Variants in CHRDL1 observed in about 807,000 individuals in gnomAD.
The protein encoded by CHRDL1 is chordin like 1.
CHRDL1 carries 19 observed loss-of-function variants against 40.9 expected under a neutral mutation model. The ratio of observed to expected loss-of-function variants is 0.46; its 90% CI spans 0.32 to 0.68. The LOEUF (loss-of-function observed/expected upper bound fraction) is 0.68. Among genes scored for constraint, CHRDL1 ranks in the 30% least tolerant of loss-of-function variants. The pLI is 0.03. For missense variants in CHRDL1, 329 were observed against 352.1 expected (o/e 0.93, Z 0.53); for synonymous variants, 136 against 123.4 (o/e 1.10, Z -0.68).
intron 9 of CHRDL1, among the ~76,000 whole-genome samples, chrX:110,682,700 C>CTAG (rs2069927099): frequency 8.9e-6 from 1 of 112,220 alleles, no homozygotes; most frequent in African/African-American, 3.2e-5. Flanking sequence ...AAGTTGTAAT[C>CTAG]AAATTGCTAT....
rs773695127 is a variant in CHRDL1, at chrX:110,794,770, C to G, written c.-35+974G>C. Among the ~76,000 whole-genome samples, 5 of 112,369 alleles carry G rather than the reference C, an allele frequency of 4.4e-5. No individual in the cohort carries two copies. The East Asian group carries it at 1.1e-3, about 25-fold the overall frequency. On this transcript the variant is annotated intron_variant, in intron 1 of 11. Coordinates refer to ENST00000372042, the MANE Select transcript of CHRDL1 (RefSeq NM_001143981.2). ...TGAACACATGTCAGCCAGTTCTTCACGCCCCACAGTGTCTCTTTAATCCTC... is the reference window on the plus strand; with the variant it reads ...TGAACACATGTCAGCCAGTTCTTCAGGCCCCACAGTGTCTCTTTAATCCTC...
At chrX:110,757,249 A>C (rs781583353) in intron 4 of CHRDL1, among the ~76,000 whole-genome samples, 1 of 111,328 alleles carries the variant, frequency 9.0e-6, no homozygotes, top group Non-Finnish European at 1.9e-5. Context: ...AAAAAAACTG[A>C]CTAAAAATTG....
Position 110,785,865 on chromosome X carries a change from A to G in CHRDL1, c.94+6223T>C, listed in dbSNP as rs753643446. ...CAATCCAGTCTAGTAGACATATTAA[A>G]CATCTATTTAACATTTCCATGTTCT... is the stretch of plus-strand genomic sequence containing the variant. On this transcript the variant is annotated intron_variant, in intron 2 of 11. Transcript: ENST00000372042. 5.3e-5 allele frequency among the ~76,000 whole-genome samples: 6 copies of G among 112,352 alleles called. No homozygotes were observed. In the East Asian group the frequency reaches 1.7e-3, roughly 31 times the overall value.
chrX:110,693,217 C>G (rs1189979696), intron 8 of CHRDL1, among the ~76,000 whole-genome samples: 1 of 111,338 alleles, frequency 9.0e-6, no homozygotes, highest in Non-Finnish European at 1.9e-5. Flanking sequence ...ACATTGGAAG[C>G]TATGGAAGTC....
At chrX:110,736,018 T>C (rs755454862) in intron 4 of CHRDL1, among the ~76,000 whole-genome samples, 1 of 112,331 alleles carries the variant, frequency 8.9e-6, no homozygotes, top group African/African-American at 3.2e-5. Context: ...TGTTAGCAGC[T>C]GGCTTCAGAA....
At chrX:110,789,361 T>C (rs1022251784) in intron 2 of CHRDL1, among the ~76,000 whole-genome samples, 1 of 112,002 alleles carries the variant, frequency 8.9e-6, no homozygotes, top group Non-Finnish European at 1.9e-5. Context: ...ATACAACTTA[T>C]ATGAAGGGCA....
intron 4 of CHRDL1, among the ~76,000 whole-genome samples, chrX:110,727,035 T>C (rs1189040984): frequency 8.9e-6 from 1 of 111,932 alleles, no homozygotes; most frequent in African/African-American, 3.2e-5. Flanking sequence ...CCTGCTTTCA[T>C]TGGAGGGGAA....
intron 6 of CHRDL1, among the ~76,000 whole-genome samples, chrX:110,715,426 T>C (rs886595983): frequency 1.8e-5 from 2 of 111,557 alleles, no homozygotes; most frequent in African/African-American, 3.3e-5. Context: ...TATAAACCAA[T>C]AACTCTGTAT....
At chrX:110,682,783 G>C in intron 9 of CHRDL1, among the ~76,000 whole-genome samples, 1 of 112,070 alleles carries the variant, frequency 8.9e-6, no homozygotes, top group Non-Finnish European at 1.9e-5. Context: ...CAAAACCATA[G>C]TCTTCTCTTG....
Position 110,697,648 on chromosome X carries a change from C to T in CHRDL1, c.609+3006G>A, listed in dbSNP as rs756273888. Among the ~76,000 whole-genome samples, 64 of 109,713 alleles carry T rather than the reference C, an allele frequency of 5.8e-4. 2 individuals carry two copies. The highest frequency in any genetic ancestry group is 2.3e-3 in the East Asian group (8 of 3,475). ...ACATGGATTTTTATCTGTTTCATGTCGTTTCTATCCCAAACGCTTTCACTT... is the reference window on the plus strand; with the variant it reads ...ACATGGATTTTTATCTGTTTCATGTTGTTTCTATCCCAAACGCTTTCACTT... On this transcript the variant is annotated intron_variant, in intron 7 of 11. Transcript: ENST00000372042.
At position 110,704,439 on chromosome X, in the gene CHRDL1, T is replaced by C. The variant is rs138924849; in HGVS notation, c.542-3718A>G. On this transcript the variant is annotated intron_variant, in intron 6 of 11. Coordinates refer to ENST00000372042, the MANE Select transcript of CHRDL1 (RefSeq NM_001143981.2). ...GGAAGCCTATTCTGGCAATGGGGTA[T>C]AGACTAGTTGGGGAGTAACTCGAAT... is the stretch of plus-strand genomic sequence containing the variant. 6.6e-3 allele frequency among the ~76,000 whole-genome samples: 736 copies of C among 111,624 alleles called. 6 individuals are homozygous for C. Among genetic ancestry groups the C allele is most frequent in the Non-Finnish European group, 9.6e-3 (510 of 53,088 alleles).
intron 2 of CHRDL1, among the ~76,000 whole-genome samples, chrX:110,776,568 CTTGCAG>C (rs915672549): frequency 7.2e-5 from 8 of 111,130 alleles, no homozygotes; most frequent in Non-Finnish European, 1.1e-4. Context: ...TCTTTCTTTG[CTTGCAG>C]TTGCTGAAGA....
chrX:110,787,051 T>A (rs138678937), intron 2 of CHRDL1, among the ~76,000 whole-genome samples: 30 of 111,706 alleles, frequency 2.7e-4, no homozygotes, highest in African/African-American at 9.4e-4. Context: ...TTGCTGCTTG[T>A]CCTTGTACAA....
At position 110,721,476 on chromosome X, in the gene CHRDL1, T is replaced by C. The variant is rs1461567133; in HGVS notation, c.356A>G (p.Asn119Ser). ...CTCTCCATGTTGGTAAGTTGTCCCA[T>C]TGTACTCGCAAGACTTGCTGGTCAC... ...NKVTSKSCEY[N>S]GTTYQHGELF... Residue 119 changes from asparagine to serine, a missense_variant, in exon 5 of 12, where the codon AAT becomes AGT. Asn to Ser is a conservative substitution (Grantham distance 46). Transcript: ENST00000372042. 2.5e-6 allele frequency: 3 copies of C among 1,207,270 alleles called. No individual in the cohort carries two copies. Among genetic ancestry groups the C allele is most frequent in the Admixed American group, 2.2e-5 (1 of 46,064 alleles).
At chrX:110,739,272 C>T (rs919000370) in intron 4 of CHRDL1, among the ~76,000 whole-genome samples, 7 of 111,691 alleles carry the variant, frequency 6.3e-5, no homozygotes, top group East Asian at 2.8e-4. Flanking sequence ...AAGTATGCAG[C>T]GGAATACACA....
chrX:110,726,021 C>T (rs1028354432), intron 4 of CHRDL1, among the ~76,000 whole-genome samples: 1 of 111,445 alleles, frequency 9.0e-6, no homozygotes, highest in African/African-American at 3.3e-5. Context: ...AAAACTACAT[C>T]ATCTAAAGGG....
Position 110,704,359 on chromosome X carries a change from T to G in CHRDL1, c.542-3638A>C, listed in dbSNP as rs1291942460. On this transcript the variant is annotated intron_variant, in intron 6 of 11. Coordinates refer to ENST00000372042, the MANE Select transcript of CHRDL1 (RefSeq NM_001143981.2). ...TTGTAAAAGGCTGAAGAATTCACAT[T>G]TGATTATGTTGCCAATTTTTCTGTA... Among the ~76,000 whole-genome samples, 7 of 111,785 alleles carry G rather than the reference T, an allele frequency of 6.3e-5. No homozygotes were observed. In the Admixed American group the frequency reaches 6.7e-4, roughly 11 times the overall value.
intron 8 of CHRDL1, among the ~76,000 whole-genome samples, chrX:110,691,859 G>C (rs1437324152): frequency 1.8e-5 from 2 of 110,762 alleles, no homozygotes; most frequent in Non-Finnish European, 3.8e-5. Context: ...CAACTGTGAG[G>C]TCAGGGCTGT....
chrX:110,765,316 C>T (rs1363771593), intron 2 of CHRDL1, among the ~76,000 whole-genome samples: 1 of 111,942 alleles, frequency 8.9e-6, no homozygotes, highest in Non-Finnish European at 1.9e-5. Flanking sequence ...TATTTCTTAG[C>T]CGGTTGACAT....
Sources: allele counts gnomAD v4.1 joint callset (sites outside exome capture counted in the v4.1 genomes callset), GRCh38; gene constraint gnomAD v4.1.1; transcripts MANE v1.5; gene names NCBI Gene and HGNC (gene_info 2026-07-23, HGNC 2026-07-21).